The following ANKH variants were observed in gnomAD, a reference collection of about 807,000 sequenced individuals.
The protein encoded by ANKH is ANKH inorganic pyrophosphate transport regulator, also known as mineralization regulator ANKH.
In ANKH, 15 loss-of-function variants were observed where a neutral mutation model predicts 49.0. The ratio of observed to expected loss-of-function variants is 0.31; its 90% CI spans 0.20 to 0.47. The LOEUF (loss-of-function observed/expected upper bound fraction) is 0.47, where lower values mean the gene tolerates loss of function less well. Ranked by LOEUF, ANKH falls within the 20% of genes least tolerant of loss-of-function variation. The pLI, the probability that ANKH is intolerant of heterozygous loss-of-function variation, is 1.00. For synonymous variants in ANKH, 273 were observed against 260.0 expected (o/e 1.05, Z -0.48); for missense variants, 429 against 652.0 (o/e 0.66, Z 3.72).
intron 1 of ANKH, among the ~76,000 whole-genome samples, chr5:14,846,442 T>C (rs906045839): frequency 6.6e-6 from 1 of 152,190 alleles, no homozygotes; most frequent in African/African-American, 2.4e-5. Flanking sequence ...TGGACTAGGA[T>C]AAGAAATGGA....
chr5:14,768,671 TA>T, intron 2 of ANKH: 1 of 470,632 alleles, frequency 2.1e-6, no homozygotes, highest in Non-Finnish European at 3.9e-6. Flanking sequence ...CACATATCTC[TA>T]ACGAAAGCAC....
At chr5:14,869,117 G>A (rs1455319526) in intron 1 of ANKH, 2 of 152,170 alleles carry the variant, frequency 1.3e-5, no homozygotes, top group Non-Finnish European at 2.9e-5. Context: ...AGCTAACGTA[G>A]ACCCACTTTT....
intron 1 of ANKH, chr5:14,797,937 G>T: frequency 1.9e-6 from 3 of 1,589,608 alleles, no homozygotes; most frequent in Non-Finnish European, 2.6e-6. Context: ...AGGATGTTTT[G>T]TATAGTCAAA....
chr5:14,810,578 C>G (rs1740850299), intron 1 of ANKH, among the ~76,000 whole-genome samples: 1 of 152,138 alleles, frequency 6.6e-6, no homozygotes, highest in Non-Finnish European at 1.5e-5. Context: ...GTTTAAAGTA[C>G]CCAAGTGACA....
intron 11 of ANKH, among the ~76,000 whole-genome samples, chr5:14,711,853 C>A (rs1307318931): frequency 6.6e-6 from 1 of 152,110 alleles, no homozygotes; most frequent in African/African-American, 2.4e-5. Flanking sequence ...AGGTTCTCAG[C>A]CCCAGCCCCA....
chr5:14,776,065 C>T (rs943690491), intron 1 of ANKH, among the ~76,000 whole-genome samples: 4 of 152,210 alleles, frequency 2.6e-5, no homozygotes, highest in African/African-American at 9.6e-5. Context: ...CAACGCCTGG[C>T]TCATGCTTCC....
In ANKH at chr5:14,710,074, A is replaced by C. The variant is rs1737105733; in HGVS notation, c.*1123T>G. 6.6e-6 allele frequency: 1 copy of C among 152,230 alleles called. No individual in the cohort carries two copies. Among genetic ancestry groups the C allele is most frequent in the Non-Finnish European group, 1.5e-5 (1 of 68,040 alleles). 9.4% of individuals were successfully genotyped at this position (152,230 alleles called of 1,614,324 possible). On this transcript the variant is annotated 3_prime_UTR_variant, in exon 12 of 12. Transcript: ENST00000284268. Reference sequence around the variant, plus strand: ...CGAATGCGTTATTTCAGGGAGGACCACATAGTGACTCTGGTATCGTTATAA... The same window carrying C: ...CGAATGCGTTATTTCAGGGAGGACCCCATAGTGACTCTGGTATCGTTATAA...
At chr5:14,711,406 C>A (rs1159796046) in intron 11 of ANKH, 96 bp from the exon 12 acceptor site, 5 of 1,066,942 alleles carry the variant, frequency 4.7e-6, no homozygotes, top group Non-Finnish European at 7.3e-6. Context: ...CTTGGGGGAC[C>A]CCTCACTGTA....
chr5:14,871,506 AGGCGAGGGGCGACGGGGCGACGG>A lies in ANKH; in HGVS notation c.-82_-60del. 7.2e-7 allele frequency: 1 copy of A among 1,380,400 alleles called. No individual in the cohort carries two copies. Among genetic ancestry groups the A allele is most frequent in the African/African-American group, 1.6e-5 (1 of 62,920 alleles). 85.5% of individuals were successfully genotyped at this position (1,380,400 alleles called of 1,614,324 possible). A position where few individuals can be genotyped will look rare whatever the true frequency, so the allele number is the denominator to read the frequency against. On this transcript the variant is annotated 5_prime_UTR_variant, in exon 1 of 12. Coordinates refer to ENST00000284268, the MANE Select transcript of ANKH (RefSeq NM_054027.6). ...GCTGCCGCGAGGGGACTCTGCGGGGAGGCGAGGGGCGACGGGGCGACGGGGCGAGCGGGGCGCGGGCCGACAGA... is the reference window on the plus strand; with the variant it reads ...GCTGCCGCGAGGGGACTCTGCGGGGAGGCGAGCGGGGCGCGGGCCGACAGA...
chr5:14,816,957 T>C lies in ANKH; in HGVS notation c.97-47766A>G, dbSNP rs192129075. Among the ~76,000 whole-genome samples the C allele has an allele frequency of 3.4e-3, 519 of 152,290 alleles. 4 individuals are homozygous for C. The highest frequency in any genetic ancestry group is 0.012 in the African/African-American group (496 of 41,554). The stretch of plus-strand genomic sequence containing the variant: ...GCCTTTTTAGATGGATTGCCGTGAG[T>C]TGCTGTTGGATACAATTTTTAAATT... On this transcript the variant is annotated intron_variant, in intron 1 of 11. Transcript: ENST00000284268.
chr5:14,809,454 A>C (rs1190089045), intron 1 of ANKH, among the ~76,000 whole-genome samples: 2 of 152,078 alleles, frequency 1.3e-5, no homozygotes, highest in African/African-American at 4.8e-5. Context: ...GCTACTTGAA[A>C]GTCTCAGAAG....
At position 14,770,409 on chromosome 5, in the gene ANKH, G is replaced by A. The variant is rs1409414757; in HGVS notation, c.97-1218C>T. Among the ~76,000 whole-genome samples, 1 of 152,008 alleles carries A rather than the reference G, an allele frequency of 6.6e-6. No homozygotes were observed. Among genetic ancestry groups the A allele is most frequent in the East Asian group, 1.9e-4 (1 of 5,202 alleles). ...GCCTGAAACCATGGAAAGTACCTAT[G>A]TTTTTTCCTATATATACTATGTTTT... On this transcript the variant is annotated intron_variant, in intron 1 of 11. Coordinates refer to ENST00000284268, the MANE Select transcript of ANKH (RefSeq NM_054027.6). This position sits in a 1 kb window ranked among gnomAD's most constrained non-coding sequence, Gnocchi z 4.1.
At chr5:14,747,110 T>C (rs1416763323) in intron 6 of ANKH, among the ~76,000 whole-genome samples, 1 of 152,212 alleles carries the variant, frequency 6.6e-6, no homozygotes, top group Non-Finnish European at 1.5e-5. Flanking sequence ...TCAGGGATGC[T>C]GACATTTTGC....
At chr5:14,834,355 T>G (rs375555166) in intron 1 of ANKH, among the ~76,000 whole-genome samples, 8 of 152,220 alleles carry the variant, frequency 5.3e-5, no homozygotes, top group Non-Finnish European at 1.0e-4. Context: ...ATGCCTGTTA[T>G]GATTACTATT....
chr5:14,793,023 T>TATATATATATAA (rs1554006436), intron 1 of ANKH, among the ~76,000 whole-genome samples: 1,876 of 65,974 alleles, frequency 0.028, 43 homozygotes, highest in Non-Finnish European at 0.042. Flanking sequence ...TATATATAAA[T>TATATATATATAA]ATATATATAT....
At chr5:14,797,943 T>C in intron 1 of ANKH, 1 of 1,583,260 alleles carries the variant, frequency 6.3e-7, no homozygotes. Context: ...TTTTGTATAG[T>C]CAAAGACAAG....
intron 1 of ANKH, among the ~76,000 whole-genome samples, chr5:14,857,614 C>T (rs4569871): frequency 0.27 from 41,407 of 151,538 alleles, 5,716 homozygotes; most frequent in Admixed American, 0.33. Context: ...GTGGAGATCG[C>T]GCCACTGCAC....
At chr5:14,862,156 A>G (rs1405778474) in intron 1 of ANKH, among the ~76,000 whole-genome samples, 1 of 152,192 alleles carries the variant, frequency 6.6e-6, no homozygotes, top group African/African-American at 2.4e-5. Flanking sequence ...GAATCGCTTG[A>G]ACCCAGGAGG....
rs35442719 is a variant in ANKH, at chr5:14,825,778, T to C, written c.96+45574A>G. The stretch of plus-strand genomic sequence containing the variant: ...AGAATCTCTTAAGAAAATAAGTGCC[T>C]AATCTTAACGTTGTCCGTGTACAGG... On this transcript the variant is annotated intron_variant, in intron 1 of 11. Coordinates refer to ENST00000284268, the MANE Select transcript of ANKH (RefSeq NM_054027.6). Among the ~76,000 whole-genome samples the C allele has an allele frequency of 3.5e-3, 535 of 152,364 alleles. 3 individuals are homozygous for C. The highest frequency in any genetic ancestry group is 7.0e-3 in the Admixed American group (107 of 15,304).
Sources: gnomAD v4.1 joint callset for allele counts (sites outside exome capture counted in the v4.1 genomes callset) on GRCh38, gnomAD v4.1.1 for gene constraint, Gnocchi (gnomAD v3.1) non-coding constraint, MANE v1.5 for transcripts, NCBI Gene and HGNC (gene_info 2026-07-23, HGNC 2026-07-21) for gene names.